The following KCNQ1 variants were observed in gnomAD, a reference collection of about 807,000 sequenced individuals.
KCNQ1 encodes potassium voltage-gated channel subfamily Q member 1, also known as potassium voltage-gated channel subfamily KQT member 1.
In KCNQ1, 49 loss-of-function variants were observed where a neutral mutation model predicts 72.4. That is an observed-to-expected ratio of 0.68 (90% CI 0.54 to 0.86). The LOEUF (loss-of-function observed/expected upper bound fraction) is 0.86. Among genes scored for constraint, KCNQ1 ranks in the 40% least tolerant of loss-of-function variants. The pLI is 0.00. For missense variants in KCNQ1, 790 were observed against 945.1 expected (o/e 0.84, Z 2.15); for synonymous variants, 450 against 412.6 (o/e 1.09, Z -1.10).
chr11:2,812,458 GCC>G (rs1464451443), intron 15 of KCNQ1, among the ~76,000 whole-genome samples: 2 of 152,180 alleles, frequency 1.3e-5, no homozygotes, highest in Non-Finnish European at 2.9e-5. Context: ...AGCCTGCCCG[GCC>G]GGCTCTGTGG....
chr11:2,667,360 G>C (rs1850095731), intron 11 of KCNQ1: 2 of 398,666 alleles, frequency 5.0e-6, no homozygotes, highest in Non-Finnish European at 8.8e-6. Context: ...GCAAGGGAAA[G>C]GCCATCCAAA....
At chr11:2,660,517 C>A in intron 10 of KCNQ1, 1 of 398,508 alleles carries the variant, frequency 2.5e-6, no homozygotes, top group South Asian at 1.3e-4. Context: ...GAGTTAATGT[C>A]TGTAATGTAT....
chr11:2,806,256 C>T (rs3852529), intron 15 of KCNQ1, among the ~76,000 whole-genome samples: 21,694 of 151,986 alleles, frequency 0.14, 1,734 homozygotes, highest in African/African-American at 0.2. Context: ...ACCTCCATAA[C>T]AGAAAAAGAG....
At chr11:2,822,247 C>G (rs1847752716) in intron 15 of KCNQ1, among the ~76,000 whole-genome samples, 1 of 152,208 alleles carries the variant, frequency 6.6e-6, no homozygotes. Flanking sequence ...GACTCCTGAC[C>G]TCCAGTGCTG....
At chr11:2,641,538 A>G (rs1202295978) in intron 10 of KCNQ1, 1 of 398,208 alleles carries the variant, frequency 2.5e-6, no homozygotes, top group East Asian at 3.6e-5. Context: ...TGGTATTAGT[A>G]CCTTGTCAGA....
At chr11:2,708,344 A>G (rs1158380922) in intron 11 of KCNQ1, among the ~76,000 whole-genome samples, 1 of 152,188 alleles carries the variant, frequency 6.6e-6, no homozygotes, top group Non-Finnish European at 1.5e-5. Flanking sequence ...AAAGCAGTGA[A>G]TTGGGAGCTC....
chr11:2,768,975 GCTGCC>G lies in KCNQ1; in HGVS notation c.1590+58_1590+62del. Reference sequence around the variant, plus strand: ...AGCCTGCCCCTCGCAGCCTGATGCAGCTGCCCACACCTCTCCTGGGTTCTCTCCTG... The same window carrying G: ...AGCCTGCCCCTCGCAGCCTGATGCAGCACACCTCTCCTGGGTTCTCTCCTG... On this transcript the variant is annotated intron_variant, in intron 12 of 15. Transcript: ENST00000155840. The surrounding 1 kb of genome is among the most constrained non-coding windows in gnomAD (Gnocchi z 6.7). 7.2e-7 allele frequency: 1 copy of G among 1,390,834 alleles called. No individual in the cohort carries two copies. Among genetic ancestry groups the G allele is most frequent in the Admixed American group, 1.7e-5 (1 of 59,404 alleles). 86.2% of individuals were successfully genotyped at this position (1,390,834 alleles called of 1,614,324 possible).
intron 11 of KCNQ1, among the ~76,000 whole-genome samples, chr11:2,722,911 T>C (rs1249508624): frequency 6.6e-6 from 1 of 151,636 alleles, no homozygotes; most frequent in African/African-American, 2.4e-5. Context: ...GGAGTGGGGG[T>C]GGGGGCATGT....
In KCNQ1 at chr11:2,759,176, AC is replaced by A. The variant is rs1846350185; in HGVS notation, c.1515-9667del. ...TCAAAATAAAAAGAAGCAAAACAACACACTGGGAGGTGCAGGAAACCACACA... is the reference window on the plus strand; with the variant it reads ...TCAAAATAAAAAGAAGCAAAACAACAACTGGGAGGTGCAGGAAACCACACA... On this transcript the variant is annotated intron_variant, in intron 11 of 15. Coordinates refer to ENST00000155840, the MANE Select transcript of KCNQ1 (RefSeq NM_000218.3). This position sits in a 1 kb window ranked among gnomAD's most constrained non-coding sequence, Gnocchi z 4.4. 6.6e-6 allele frequency among the ~76,000 whole-genome samples: 1 copy of A among 151,736 alleles called. No homozygotes were observed. Among genetic ancestry groups the A allele is most frequent in the African/African-American group, 2.4e-5 (1 of 41,252 alleles).
At chr11:2,556,099 C>G (rs1024727473) in intron 2 of KCNQ1, among the ~76,000 whole-genome samples, 1 of 152,208 alleles carries the variant, frequency 6.6e-6, no homozygotes, top group South Asian at 2.1e-4. Flanking sequence ...AGGCCTCCCC[C>G]AGCTACTGTG....
At position 2,679,956 on chromosome 11, in the gene KCNQ1, C is replaced by G; in HGVS notation, c.1514+17875C>G. 2.5e-6 allele frequency: 1 copy of G among 397,252 alleles called. No homozygotes were observed. The highest frequency in any genetic ancestry group is 4.4e-6 in the Non-Finnish European group (1 of 225,892). The allele number at this position is 397,252 out of a possible 1,614,324, so 24.6% of individuals were successfully genotyped here. ...TCACCTAGGCGGGAATGCAGTGGCA[C>G]AGTCTCGGCTTACTGCAACCTCTAC... On this transcript the variant is annotated intron_variant, in intron 11 of 15. Transcript: ENST00000155840. This position sits in a 1 kb window ranked among gnomAD's most constrained non-coding sequence, Gnocchi z 4.8.
At chr11:2,469,683 T>C (rs183469379) in intron 1 of KCNQ1, among the ~76,000 whole-genome samples, 1 of 150,246 alleles carries the variant, frequency 6.7e-6, no homozygotes, top group Non-Finnish European at 1.5e-5. Context: ...ATTTTTTTTT[T>C]CTTTTTTTGA....
intron 11 of KCNQ1, chr11:2,686,031 C>A (rs960322170): frequency 5.0e-6 from 2 of 399,098 alleles, no homozygotes; most frequent in Non-Finnish European, 8.8e-6. Flanking sequence ...CTAAGCCCCG[C>A]CAGCTCGCAC....
chr11:2,574,166 A>G (rs1475452455), intron 6 of KCNQ1, among the ~76,000 whole-genome samples: 2 of 152,168 alleles, frequency 1.3e-5, no homozygotes, highest in Non-Finnish European at 2.9e-5. Flanking sequence ...CTCCCCCCAC[A>G]GCTGCAGGGC....
intron 1 of KCNQ1, among the ~76,000 whole-genome samples, chr11:2,467,181 T>C (rs543258688): frequency 6.6e-5 from 10 of 152,222 alleles, no homozygotes; most frequent in African/African-American, 2.2e-4. Flanking sequence ...CCAGGGTGCC[T>C]CTGCAGGGGT....
chr11:2,755,112 T>A (rs1163361142), intron 11 of KCNQ1, among the ~76,000 whole-genome samples: 1 of 152,178 alleles, frequency 6.6e-6, no homozygotes, highest in Non-Finnish European at 1.5e-5. Context: ...CTTCTAGGGG[T>A]TGTCTGCATT....
At chr11:2,846,219 G>T in intron 15 of KCNQ1, among the ~76,000 whole-genome samples, 1 of 152,314 alleles carries the variant, frequency 6.6e-6, no homozygotes, top group Admixed American at 6.5e-5. Flanking sequence ...GCCAGCTCCC[G>T]CCTGCTGCCT....
rs138258479 is a variant in KCNQ1, at chr11:2,652,661, G to A, written c.1394-9300G>A. On this transcript the variant is annotated intron_variant, in intron 10 of 15. Coordinates refer to ENST00000155840, the MANE Select transcript of KCNQ1 (RefSeq NM_000218.3). This position sits in a 1 kb window ranked among gnomAD's most constrained non-coding sequence, Gnocchi z 5.9. ...TGACTTCCTGCAGCATGGAGACCCG[G>A]GTGGGTCGATTTTAGTTGTGTGGGT... The A allele has an allele frequency of 2.3e-5, 9 of 398,768 alleles. No homozygotes were observed. Among genetic ancestry groups the A allele is most frequent in the African/African-American group, 1.8e-4 (9 of 48,730 alleles). 24.7% of individuals were successfully genotyped at this position (398,768 alleles called of 1,614,324 possible).
chr11:2,761,016 G>A (rs1412600504), intron 11 of KCNQ1, among the ~76,000 whole-genome samples: 1 of 152,242 alleles, frequency 6.6e-6, no homozygotes, highest in Non-Finnish European at 1.5e-5. Context: ...CTTACGGCAA[G>A]GGCAGAGGTC....
Sources: gnomAD v4.1 joint callset for allele counts (sites outside exome capture counted in the v4.1 genomes callset) on GRCh38, gnomAD v4.1.1 for gene constraint, Gnocchi (gnomAD v3.1) non-coding constraint, MANE v1.5 for transcripts, NCBI Gene and HGNC (gene_info 2026-07-23, HGNC 2026-07-21) for gene names.